NTRK3: variants seen among roughly 807,000 people sequenced by gnomAD.
NTRK3 encodes the protein NT-3 growth factor receptor.
Under a neutral mutation model 91.7 loss-of-function variants are expected in NTRK3, and 24 were observed. That is an observed-to-expected ratio of 0.26 (90% CI 0.19 to 0.37). The LOEUF (loss-of-function observed/expected upper bound fraction) is 0.37, where lower values mean the gene tolerates loss of function less well. NTRK3 is among the 10% of genes least tolerant of loss of function. The probability of loss-of-function intolerance (pLI) is 1.00; values close to 1 mark genes in which losing one functional copy is unlikely to be tolerated. For missense variants in NTRK3, 880 were observed against 1,068.9 expected, an observed-to-expected ratio of 0.82 and a Z score of 2.46; for synonymous variants, 483 against 404.0, an observed-to-expected ratio of 1.20 and a Z score of -2.34.
At chr15:88,059,665 G>C (rs781046770) in intron 13 of NTRK3, among the ~76,000 whole-genome samples, 1 of 152,250 alleles carries the variant, frequency 6.6e-6, no homozygotes, top group Non-Finnish European at 1.5e-5. Context: ...AGTGAGACCT[G>C]CTTCTACCCA....
intron 14 of NTRK3, among the ~76,000 whole-genome samples, chr15:88,010,014 G>A (rs972325660): frequency 6.6e-6 from 1 of 152,182 alleles, no homozygotes; most frequent in Non-Finnish European, 1.5e-5. Flanking sequence ...ATTAGATGTC[G>A]AGCTTGCCCC....
At chr15:88,081,774 T>C (rs371259903) in intron 13 of NTRK3, among the ~76,000 whole-genome samples, 1 of 152,166 alleles carries the variant, frequency 6.6e-6, no homozygotes, top group East Asian at 1.9e-4. Context: ...TTCCTCCATA[T>C]GGTAACAGCC....
intron 13 of NTRK3, among the ~76,000 whole-genome samples, chr15:88,087,316 T>A (rs546908613): frequency 6.6e-6 from 1 of 152,110 alleles, no homozygotes; most frequent in Admixed American, 6.5e-5. Context: ...CCCTGCCCTG[T>A]CTTCTGCAAG....
intron 5 of NTRK3, among the ~76,000 whole-genome samples, chr15:88,155,640 C>T (rs138860968): frequency 1.4e-4 from 22 of 152,262 alleles, no homozygotes; most frequent in African/African-American, 3.9e-4. Flanking sequence ...GTGACAACCC[C>T]TTGTCTAGAA....
In NTRK3 at chr15:88,115,203, G is replaced by A. The variant is rs564856793; in HGVS notation, c.1396+11068C>T. 1.1e-4 allele frequency among the ~76,000 whole-genome samples: 16 copies of A among 152,328 alleles called. 1 individual carries two copies. The South Asian group carries it at 3.3e-3, about 32-fold the overall frequency. ...TTTCCCAAGCTCTTGGATGGCCCCTGATTTCTGATAGCGCTTCTCCTCAGA... is the reference window on the plus strand; with the variant it reads ...TTTCCCAAGCTCTTGGATGGCCCCTAATTTCTGATAGCGCTTCTCCTCAGA... On this transcript the variant is annotated intron_variant, in intron 13 of 18. Coordinates refer to ENST00000394480, the Ensembl canonical transcript of NTRK3.
intron 13 of NTRK3, among the ~76,000 whole-genome samples, chr15:88,123,906 C>T (rs569183517): frequency 6.6e-6 from 1 of 152,260 alleles, no homozygotes; most frequent in South Asian, 2.1e-4. Flanking sequence ...TCAGACTTAA[C>T]GAGTCTATTC....
intron 14 of NTRK3, among the ~76,000 whole-genome samples, chr15:88,005,063 T>C (rs1019085004): frequency 6.6e-6 from 1 of 152,246 alleles, no homozygotes; most frequent in Non-Finnish European, 1.5e-5. Context: ...GTTTTAACCC[T>C]ATATTCGTGT....
intron 10 of NTRK3, among the ~76,000 whole-genome samples, chr15:88,134,725 A>G (rs997418181): frequency 2.6e-5 from 4 of 152,222 alleles, no homozygotes; most frequent in Non-Finnish European, 5.9e-5. Flanking sequence ...TGTAATCATG[A>G]CTATTTCATA....
chr15:88,017,475 C>A (rs2077314475), intron 14 of NTRK3, among the ~76,000 whole-genome samples: 1 of 152,254 alleles, frequency 6.6e-6, no homozygotes, highest in African/African-American at 2.4e-5. Context: ...AAGAAGACAA[C>A]TTCTGCTCTT....
At chr15:87,956,342 T>A (rs2141159216) in intron 14 of NTRK3, among the ~76,000 whole-genome samples, 1 of 152,292 alleles carries the variant, frequency 6.6e-6, no homozygotes, top group African/African-American at 2.4e-5. Context: ...TGGCACAATC[T>A]CGGCTCACTG....
chr15:87,952,785 G>C (rs1242979491), intron 14 of NTRK3, among the ~76,000 whole-genome samples: 3 of 152,100 alleles, frequency 2.0e-5, no homozygotes, highest in African/African-American at 2.4e-5. Context: ...CAAGGTATAT[G>C]TTCCCATTCC....
At chr15:87,975,857 T>C (rs2073672665) in intron 14 of NTRK3, among the ~76,000 whole-genome samples, 1 of 152,142 alleles carries the variant, frequency 6.6e-6, no homozygotes, top group African/African-American at 2.4e-5. Flanking sequence ...ATAGGAAAAA[T>C]GGAAGCCACC....
At chr15:88,222,811 G>A (rs1489330080) in intron 3 of NTRK3, among the ~76,000 whole-genome samples, 1 of 152,156 alleles carries the variant, frequency 6.6e-6, no homozygotes, top group Non-Finnish European at 1.5e-5. Flanking sequence ...CACCCTAGGA[G>A]GCAAGTACCA....
exon 19 of NTRK3, chr15:87,859,764 C>T (rs1347130588): frequency 5.8e-6 from 1 of 173,598 alleles, no homozygotes; most frequent in African/African-American, 2.4e-5. Flanking sequence ...TTGTTTTATA[C>T]TTTATTTGAG....
intron 14 of NTRK3, among the ~76,000 whole-genome samples, chr15:87,941,535 G>A (rs1489852366): frequency 6.6e-6 from 1 of 152,048 alleles, no homozygotes; most frequent in Non-Finnish European, 1.5e-5. Flanking sequence ...AAAGGCTGTA[G>A]TGACCCCATC....
At position 87,978,846 on chromosome 15, in the gene NTRK3, C is replaced by G. The variant is rs1240588247; in HGVS notation, c.1586-38093G>C. ...CCGTCTCCACCTCTGCTTAGGTGCT[C>G]TCTGTGACTCTTCCCCACTGGAGGT... On this transcript the variant is annotated intron_variant, in intron 14 of 18. Transcript: ENST00000394480. 2.0e-5 allele frequency: 5 copies of G among 252,228 alleles called. No individual in the cohort carries two copies. In the South Asian group the frequency reaches 4.1e-4, roughly 20 times the overall value. 15.6% of individuals were successfully genotyped at this position (252,228 alleles called of 1,614,324 possible).
At chr15:88,045,690 C>T (rs1461982286) in intron 13 of NTRK3, among the ~76,000 whole-genome samples, 2 of 152,230 alleles carry the variant, frequency 1.3e-5, no homozygotes, top group African/African-American at 4.8e-5. Context: ...CCCTGAGACT[C>T]TGGATAGAAT....
intron 5 of NTRK3, among the ~76,000 whole-genome samples, chr15:88,156,235 G>A (rs2043887577): frequency 6.6e-6 from 1 of 152,168 alleles, no homozygotes; most frequent in South Asian, 2.1e-4. Flanking sequence ...TCTCAGGCTG[G>A]AGCTCAGAGC....
intron 13 of NTRK3, among the ~76,000 whole-genome samples, chr15:88,117,020 G>A (rs1003601512): frequency 6.6e-6 from 1 of 152,208 alleles, no homozygotes; most frequent in African/African-American, 2.4e-5. Context: ...ATTGGATTGA[G>A]ACCATTGTTC....
Sources: allele counts gnomAD v4.1 joint callset (sites outside exome capture counted in the v4.1 genomes callset), GRCh38; gene constraint gnomAD v4.1.1; transcripts MANE v1.5; gene names NCBI Gene and HGNC (gene_info 2026-07-23, HGNC 2026-07-21).